TMEM114: variants seen among roughly 807,000 people sequenced by gnomAD.
The protein encoded by TMEM114 is transmembrane protein 114.
TMEM114 carries 6 observed loss-of-function variants against 6.2 expected under a neutral mutation model. The observed-to-expected ratio is 0.97, with a 90% CI of 0.53 to 1.91. TMEM114 has a LOEUF of 1.91. Among genes scored for constraint, TMEM114 ranks in the 40% most tolerant of loss-of-function variants. The pLI, the probability that TMEM114 is intolerant of heterozygous loss-of-function variation, is 0.01. For missense variants in TMEM114, 218 were observed against 158.3 expected (o/e 1.38, Z -2.02); for synonymous variants, 104 against 73.0 (o/e 1.42, Z -2.16).
At chr16:8,532,037 G>C in the TMEM114 span, 1 of 152,162 alleles carries the variant, frequency 6.6e-6, no homozygotes, top group Non-Finnish European at 1.5e-5. Context: ...CGGAGAGGTG[G>C]ATTGCTTATG....
chr16:8,563,009 TGAATGAGTGAGTGAGGGAATGAG>T (rs1901327449), intron 2 of TMEM114, among the ~76,000 whole-genome samples: 1 of 127,822 alleles, frequency 7.8e-6, no homozygotes, highest in African/African-American at 3.0e-5. Context: ...AGTGAGTGAA[TGAATGAGTGAGTGAGGGAATGAG>T]TGAGTGAATG....
intron 2 of TMEM114, among the ~76,000 whole-genome samples, chr16:8,581,094 G>A (rs1902133420): frequency 6.6e-6 from 1 of 152,132 alleles, no homozygotes; most frequent in African/African-American, 2.4e-5. Flanking sequence ...TGGCACATAA[G>A]GTAAACGTGC....
At chr16:8,584,017 C>T (rs558598087) in intron 2 of TMEM114, among the ~76,000 whole-genome samples, 9 of 152,282 alleles carry the variant, frequency 5.9e-5, no homozygotes, top group African/African-American at 2.2e-4. Context: ...AGCATGTCAC[C>T]CAATGTGGTC....
intron 2 of TMEM114, among the ~76,000 whole-genome samples, chr16:8,560,637 C>G (rs1292505007): frequency 6.6e-6 from 1 of 152,166 alleles, no homozygotes; most frequent in Non-Finnish European, 1.5e-5. Context: ...GTTTCTCTCA[C>G]TATCAGCCTC....
downstream of TMEM114, among the ~76,000 whole-genome samples, chr16:8,533,397 G>A (rs1900270823): frequency 6.6e-6 from 1 of 152,198 alleles, no homozygotes; most frequent in African/African-American, 2.4e-5. Context: ...TGCTCTGTGA[G>A]TTCATGGAAG....
intron 2 of TMEM114, among the ~76,000 whole-genome samples, chr16:8,545,485 C>G (rs945377395): frequency 6.6e-6 from 1 of 152,170 alleles, no homozygotes; most frequent in African/African-American, 2.4e-5. Flanking sequence ...CCATCATCAT[C>G]ACCTATTGCT....
intron 2 of TMEM114, among the ~76,000 whole-genome samples, chr16:8,577,562 T>C (rs1033213371): frequency 1.3e-5 from 2 of 151,974 alleles, no homozygotes; most frequent in Admixed American, 6.6e-5. Context: ...GTTTTCTTTT[T>C]TCTTTTTTGA....
At chr16:8,584,227 G>A (rs141073271) in intron 2 of TMEM114, among the ~76,000 whole-genome samples, 60 of 152,298 alleles carry the variant, frequency 3.9e-4, no homozygotes, top group African/African-American at 1.3e-3. Flanking sequence ...ATGAACCAGT[G>A]ATTTCTTTTT....
At chr16:8,560,337 T>C (rs903385901) in intron 2 of TMEM114, among the ~76,000 whole-genome samples, 2 of 152,016 alleles carry the variant, frequency 1.3e-5, no homozygotes, top group South Asian at 2.1e-4. Flanking sequence ...CTCCCTGAGT[T>C]TCTGTTGGCT....
At chr16:8,549,988 G>T (rs757466421) in intron 2 of TMEM114, among the ~76,000 whole-genome samples, 4 of 152,188 alleles carry the variant, frequency 2.6e-5, no homozygotes, top group Non-Finnish European at 4.4e-5. Flanking sequence ...GCAGCCTTCA[G>T]TCTGTAGCCA....
At chr16:8,552,032 G>C (rs1296558339) in intron 2 of TMEM114, among the ~76,000 whole-genome samples, 3 of 152,024 alleles carry the variant, frequency 2.0e-5, no homozygotes, top group Admixed American at 6.6e-5. Context: ...CAAAATTACA[G>C]AGCTCCAAAG....
At chr16:8,568,556 A>AGT (rs1456859722), downstream of TMEM114, among the ~76,000 whole-genome samples, 2 of 152,208 alleles carry the variant, frequency 1.3e-5, no homozygotes, top group Non-Finnish European at 2.9e-5. Flanking sequence ...TGATGATGAC[A>AGT]GTGTTGACGT....
intron 2 of TMEM114, among the ~76,000 whole-genome samples, chr16:8,547,758 G>A (rs935927060): frequency 2.6e-5 from 4 of 152,116 alleles, no homozygotes; most frequent in Non-Finnish European, 5.9e-5. Context: ...AGGTCCTTGC[G>A]TGGCCTCTGA....
At chr16:8,560,521 C>G (rs1182802810) in intron 2 of TMEM114, among the ~76,000 whole-genome samples, 1 of 152,190 alleles carries the variant, frequency 6.6e-6, no homozygotes, top group Non-Finnish European at 1.5e-5. Flanking sequence ...GACGCACTTC[C>G]TGCTGGCTCC....
the TMEM114 span, among the ~76,000 whole-genome samples, chr16:8,527,347 G>C: frequency 6.6e-6 from 1 of 152,324 alleles, no homozygotes; most frequent in South Asian, 2.1e-4. Context: ...CCCAGCTTTG[G>C]TGTCAGGGAC....
At chr16:8,560,419 T>C (rs1380907927) in intron 2 of TMEM114, among the ~76,000 whole-genome samples, 7 of 152,134 alleles carry the variant, frequency 4.6e-5, no homozygotes, top group Non-Finnish European at 1.0e-4. Context: ...GCCTTGGAAC[T>C]TGCCCTGGAA....
intron 2 of TMEM114, 133 bp from the exon 3 acceptor site, chr16:8,572,357 C>G (rs1596309847): frequency 1.1e-6 from 1 of 924,644 alleles, no homozygotes; most frequent in Non-Finnish European, 1.7e-6. Flanking sequence ...ACGATTACTT[C>G]TACTGTTTCT....
chr16:8,563,340 A>AGTGAGTGAGTGAATGG (rs1164669273), intron 2 of TMEM114, among the ~76,000 whole-genome samples: 101 of 151,264 alleles, frequency 6.7e-4, no homozygotes, highest in African/African-American at 2.3e-3. Context: ...TGAGTGAATG[A>AGTGAGTGAGTGAATGG]GTGAGTAAAT....
intron 2 of TMEM114, among the ~76,000 whole-genome samples, chr16:8,551,781 A>G (rs1359564711): frequency 1.3e-5 from 2 of 152,222 alleles, no homozygotes; most frequent in Non-Finnish European, 2.9e-5. Context: ...TTCTCCATTC[A>G]AGCTCATGTA....
Sources: gnomAD v4.1 joint callset for allele counts (sites outside exome capture counted in the v4.1 genomes callset) on GRCh38, gnomAD v4.1.1 for gene constraint, MANE v1.5 for transcripts, NCBI Gene and HGNC (gene_info 2026-07-23, HGNC 2026-07-21) for gene names.